Variants in STK3 observed in about 807,000 individuals in gnomAD.
The protein encoded by STK3 is serine/threonine kinase 3, also known as serine/threonine-protein kinase 3.
In STK3, 41 loss-of-function variants were observed where a neutral mutation model predicts 58.0. That is an observed-to-expected ratio of 0.71 (90% CI 0.55 to 0.92). The LOEUF (loss-of-function observed/expected upper bound fraction) is 0.92, where lower values mean the gene tolerates loss of function less well. STK3 is among the 40% of genes least tolerant of loss of function. STK3 has a pLI of 0.00. For synonymous variants in STK3, 170 were observed against 191.0 expected, an observed-to-expected ratio of 0.89 and a Z score of 0.91; for missense variants, 479 against 602.7, an observed-to-expected ratio of 0.79 and a Z score of 2.15.
chr8:98,923,550 T>C (rs1839653355), intron 1 of STK3, among the ~76,000 whole-genome samples: 1 of 152,122 alleles, frequency 6.6e-6, no homozygotes, highest in African/African-American at 2.4e-5. Flanking sequence ...ACCTAAACCC[T>C]AGCACTACTT....
chr8:98,464,374 T>C (rs1820258698), intron 10 of STK3, among the ~76,000 whole-genome samples: 1 of 151,848 alleles, frequency 6.6e-6, no homozygotes, highest in Non-Finnish European at 1.5e-5. Context: ...GAAAACACTG[T>C]TGATGGAGGC....
intron 1 of STK3, among the ~76,000 whole-genome samples, chr8:98,813,475 T>C (rs904087622): frequency 6.6e-6 from 1 of 152,230 alleles, no homozygotes; most frequent in African/African-American, 2.4e-5. Flanking sequence ...TGCTCTGCAA[T>C]AGACAGAAGA....
At chr8:98,537,269 T>C (rs1809841679) in intron 9 of STK3, among the ~76,000 whole-genome samples, 2 of 152,146 alleles carry the variant, frequency 1.3e-5, no homozygotes, top group Non-Finnish European at 2.9e-5. Flanking sequence ...AGTATCTCTT[T>C]GTCATACACA....
chr8:98,738,964 T>C (rs1828902694), intron 4 of STK3, among the ~76,000 whole-genome samples: 5 of 152,240 alleles, frequency 3.3e-5, no homozygotes, highest in African/African-American at 7.2e-5. Context: ...CGGAGGGTCC[T>C]ACGCCCAAGG....
At chr8:98,743,804 C>T (rs1348224332) in intron 4 of STK3, among the ~76,000 whole-genome samples, 1 of 151,732 alleles carries the variant, frequency 6.6e-6, no homozygotes, top group African/African-American at 2.4e-5. Flanking sequence ...AGGCAACCTA[C>T]AAAATGGGAG....
intron 1 of STK3, among the ~76,000 whole-genome samples, chr8:98,780,521 T>C (rs997164156): frequency 4.6e-5 from 7 of 152,284 alleles, no homozygotes; most frequent in South Asian, 2.1e-4. Flanking sequence ...ATTATAAACA[T>C]TTTCATTTGG....
At chr8:98,797,775 A>T (rs946472288) in intron 1 of STK3, among the ~76,000 whole-genome samples, 9 of 152,220 alleles carry the variant, frequency 5.9e-5, no homozygotes, top group African/African-American at 2.2e-4. Flanking sequence ...TATTTTCTTC[A>T]ATGCTGCTCA....
intron 10 of STK3, among the ~76,000 whole-genome samples, chr8:98,497,161 T>C (rs553647801): frequency 1.3e-5 from 2 of 152,192 alleles, no homozygotes; most frequent in African/African-American, 4.8e-5. Flanking sequence ...TTAGAGTCAA[T>C]TGATTTTCTA....
chr8:98,678,505 G>A (rs879120539), intron 6 of STK3, among the ~76,000 whole-genome samples: 6 of 151,880 alleles, frequency 4.0e-5, no homozygotes, highest in African/African-American at 4.8e-5. Flanking sequence ...GCTTCCTTTC[G>A]CCTTAAACAA....
At chr8:98,344,115 T>C in the STK3 span, among the ~76,000 whole-genome samples, 1 of 152,190 alleles carries the variant, frequency 6.6e-6, no homozygotes, top group Admixed American at 6.5e-5. Flanking sequence ...TTGAATGTGA[T>C]TTTGGAAAGA....
chr8:98,376,040 A>G (rs1166098543), intron 2 of STK3, among the ~76,000 whole-genome samples: 2 of 152,224 alleles, frequency 1.3e-5, no homozygotes, highest in African/African-American at 4.8e-5. Context: ...CCCACCAGCA[A>G]TGTATGAGCA....
At chr8:98,713,558 C>T (rs569092998) in intron 4 of STK3, among the ~76,000 whole-genome samples, 3 of 151,946 alleles carry the variant, frequency 2.0e-5, no homozygotes, top group East Asian at 1.9e-4. Flanking sequence ...ACACATACAC[C>T]CTCCCAAGAC....
chr8:98,867,125 T>A (rs1837173689), intron 3 of STK3, among the ~76,000 whole-genome samples: 2 of 152,158 alleles, frequency 1.3e-5, no homozygotes, highest in Non-Finnish European at 2.9e-5. Flanking sequence ...CATTTTAAAA[T>A]GGGGAAACTG....
At chr8:98,540,183 G>A (rs1196448886) in intron 9 of STK3, among the ~76,000 whole-genome samples, 1 of 152,164 alleles carries the variant, frequency 6.6e-6, no homozygotes, top group African/African-American at 2.4e-5. Context: ...CAATACTCCA[G>A]GTGAGTTCTG....
At chr8:98,855,162 C>G (rs1375435296) in intron 3 of STK3, among the ~76,000 whole-genome samples, 2 of 152,202 alleles carry the variant, frequency 1.3e-5, no homozygotes, top group Non-Finnish European at 2.9e-5. Context: ...TTGAACAAAT[C>G]TACAAGCTGA....
At chr8:98,755,289 T>G (rs925302524) in intron 3 of STK3, among the ~76,000 whole-genome samples, 1 of 152,206 alleles carries the variant, frequency 6.6e-6, no homozygotes, top group African/African-American at 2.4e-5. Context: ...ATTCACAATT[T>G]GGACCCTCAT....
the STK3 span, among the ~76,000 whole-genome samples, chr8:98,361,196 C>A: frequency 1.3e-5 from 2 of 152,176 alleles, no homozygotes; most frequent in Non-Finnish European, 2.9e-5. Context: ...TGGCCAGCGC[C>A]CTTGGAGGCT....
At chr8:98,425,411 G>A (rs1818219395) in intron 3 of STK3, among the ~76,000 whole-genome samples, 1 of 152,176 alleles carries the variant, frequency 6.6e-6, no homozygotes, top group African/African-American at 2.4e-5. Flanking sequence ...CAGAATGGAG[G>A]ACTGGATTCC....
At chr8:98,433,790 T>G (rs142252998) in intron 3 of STK3, among the ~76,000 whole-genome samples, 178 of 152,350 alleles carry the variant, frequency 1.2e-3, no homozygotes, top group African/African-American at 4.0e-3. Context: ...TCAGCTACAA[T>G]AGACGACAGT....
Sources: allele counts gnomAD v4.1 joint callset (sites outside exome capture counted in the v4.1 genomes callset), GRCh38; gene constraint gnomAD v4.1.1; transcripts MANE v1.5; gene names NCBI Gene and HGNC (gene_info 2026-07-23, HGNC 2026-07-21).